Variants in STAG1 observed in about 807,000 individuals in gnomAD.
STAG1 encodes the protein STAG1 cohesin complex component, also known as cohesin subunit SA-1.
A neutral mutation model predicts 170.9 loss-of-function variants in STAG1; 26 were observed. That is an observed-to-expected ratio of 0.15 (90% confidence interval 0.11 to 0.21). STAG1 has a LOEUF of 0.21. STAG1 is among the 10% of genes least tolerant of loss of function. The pLI, the probability that STAG1 is intolerant of heterozygous loss-of-function variation, is 1.00. For missense variants in STAG1, 964 were observed against 1,509.5 expected (o/e 0.64, Z 5.99); for synonymous variants, 514 against 497.7 (o/e 1.03, Z -0.44).
intron 1 of STAG1, among the ~76,000 whole-genome samples, chr3:136,751,367 G>C (rs897211170): frequency 6.6e-6 from 1 of 152,066 alleles, no homozygotes; most frequent in Non-Finnish European, 1.5e-5. Context: ...AACCCAGTTC[G>C]GACCCTGCAA....
intron 7 of STAG1, chr3:136,518,389 C>T (rs777266374): frequency 1.9e-5 from 13 of 699,886 alleles, no homozygotes; most frequent in Non-Finnish European, 3.4e-5. Flanking sequence ...TGTTCCTGCC[C>T]ATTTTATCTA....
chr3:136,572,394 G>C (rs1937293405), intron 4 of STAG1, among the ~76,000 whole-genome samples: 1 of 152,016 alleles, frequency 6.6e-6, no homozygotes, highest in Non-Finnish European at 1.5e-5. Context: ...AGGAGTTTGA[G>C]ACCAGCCTGG....
At chr3:136,396,672 C>T (rs1250826835) in intron 22 of STAG1, among the ~76,000 whole-genome samples, 6 of 151,142 alleles carry the variant, frequency 4.0e-5, no homozygotes, top group South Asian at 4.2e-4. Flanking sequence ...GGACTACAGG[C>T]GCCTGCCACC....
At chr3:136,501,484 AG>A (rs1933468262) in intron 8 of STAG1, among the ~76,000 whole-genome samples, 1 of 152,178 alleles carries the variant, frequency 6.6e-6, no homozygotes, top group Admixed American at 6.5e-5. Context: ...ACATACACAC[AG>A]GAAGAATGTC....
intron 23 of STAG1, 138 bp from the exon 24 acceptor site, chr3:136,369,420 ATT>A (rs1174706642): frequency 4.0e-5 from 25 of 625,936 alleles, no homozygotes; most frequent in Non-Finnish European, 5.5e-5. Context: ...AATTCCAAAT[ATT>A]GTTATAATTT....
At chr3:136,341,029 C>A (rs1935947540) in intron 31 of STAG1, among the ~76,000 whole-genome samples, 2 of 152,182 alleles carry the variant, frequency 1.3e-5, no homozygotes, top group Admixed American at 6.5e-5. Context: ...CTGCCTCACC[C>A]TCCTGAGTAG....
intron 23 of STAG1, among the ~76,000 whole-genome samples, chr3:136,370,568 T>A (rs1410911266): frequency 1.3e-5 from 2 of 152,170 alleles, no homozygotes; most frequent in African/African-American, 2.4e-5. Flanking sequence ...TGTCCATGTG[T>A]TCTCATTGTT....
chr3:136,574,845 A>T (rs1384114289), intron 4 of STAG1, among the ~76,000 whole-genome samples: 2 of 152,226 alleles, frequency 1.3e-5, no homozygotes, highest in African/African-American at 4.8e-5. Flanking sequence ...ATAAAACTTA[A>T]CACCAACAAT....
intron 12 of STAG1, among the ~76,000 whole-genome samples, chr3:136,467,100 G>A (rs146770612): frequency 1.3e-5 from 2 of 152,290 alleles, no homozygotes; most frequent in African/African-American, 2.4e-5. Context: ...ATCAACTAAT[G>A]AGCAAAATAA....
intron 25 of STAG1, among the ~76,000 whole-genome samples, chr3:136,364,259 T>C (rs1364345297): frequency 6.6e-6 from 1 of 151,104 alleles, no homozygotes; most frequent in Non-Finnish European, 1.5e-5. Context: ...ATTTTTATAT[T>C]TTCAGTAGAG....
intron 9 of STAG1, among the ~76,000 whole-genome samples, chr3:136,479,127 G>A (rs1391815150): frequency 7.2e-6 from 1 of 139,764 alleles, no homozygotes; most frequent in Non-Finnish European, 1.5e-5. Flanking sequence ...TGCACATTGT[G>A]CAGGTTAGTT....
chr3:136,356,460 AG>A (rs1357844072), intron 28 of STAG1, among the ~76,000 whole-genome samples: 3 of 152,094 alleles, frequency 2.0e-5, no homozygotes, highest in Non-Finnish European at 4.4e-5. Flanking sequence ...AGCTAAGTGC[AG>A]CCTCAAACTC....
At chr3:136,560,326 C>T (rs1345462794) in intron 5 of STAG1, among the ~76,000 whole-genome samples, 1 of 152,110 alleles carries the variant, frequency 6.6e-6, no homozygotes, top group Non-Finnish European at 1.5e-5. Flanking sequence ...TATCAAAAAC[C>T]ATATATTTCT....
intron 23 of STAG1, among the ~76,000 whole-genome samples, chr3:136,374,533 C>G (rs1415178005): frequency 6.6e-6 from 1 of 151,818 alleles, no homozygotes; most frequent in Non-Finnish European, 1.5e-5. Flanking sequence ...AGGAGAATTG[C>G]TTGAACCTGG....
chr3:136,517,416 G>T (rs967501432), intron 7 of STAG1, among the ~76,000 whole-genome samples: 5 of 151,996 alleles, frequency 3.3e-5, no homozygotes, highest in Non-Finnish European at 5.9e-5. Flanking sequence ...ATATTAAAAC[G>T]TTAACCAACA....
chr3:136,717,998 A>T (rs934993996), intron 1 of STAG1, among the ~76,000 whole-genome samples: 1 of 152,180 alleles, frequency 6.6e-6, no homozygotes, highest in Non-Finnish European at 1.5e-5. Context: ...AGGGGAGGAA[A>T]GCACAGGACC....
intron 5 of STAG1, among the ~76,000 whole-genome samples, chr3:136,549,486 A>G (rs770396192): frequency 2.6e-5 from 4 of 151,920 alleles, no homozygotes; most frequent in Non-Finnish European, 4.4e-5. Flanking sequence ...TTTTTTGTAG[A>G]GACAGGGTTT....
At chr3:136,638,406 A>T (rs1225901687) in intron 1 of STAG1, among the ~76,000 whole-genome samples, 1 of 152,004 alleles carries the variant, frequency 6.6e-6, no homozygotes, top group Non-Finnish European at 1.5e-5. Flanking sequence ...AAGTGCTGGG[A>T]TTACAGGCAT....
intron 1 of STAG1, among the ~76,000 whole-genome samples, chr3:136,672,554 A>T (rs1942008717): frequency 6.6e-6 from 1 of 152,178 alleles, no homozygotes; most frequent in African/African-American, 2.4e-5. Context: ...GCACTCACAC[A>T]TTTCCATTAA....
Sources: gnomAD v4.1 joint callset for allele counts (sites outside exome capture counted in the v4.1 genomes callset) on GRCh38, gnomAD v4.1.1 for gene constraint, MANE v1.5 for transcripts, NCBI Gene and HGNC (gene_info 2026-07-23, HGNC 2026-07-21) for gene names.